MAGI2: variants seen among roughly 807,000 people sequenced by gnomAD.
MAGI2 encodes membrane associated guanylate kinase, WW and PDZ domain containing 2.
Under a neutral mutation model 133.3 loss-of-function variants are expected in MAGI2, and 35 were observed. That is an observed-to-expected ratio of 0.26 (90% CI 0.20 to 0.35). The LOEUF (loss-of-function observed/expected upper bound fraction) is 0.35. Ranked by LOEUF, MAGI2 falls within the 10% of genes least tolerant of loss-of-function variation. MAGI2 has a pLI of 1.00. For synonymous variants in MAGI2, 729 were observed against 710.6 expected (o/e 1.03, Z -0.41); for missense variants, 1,636 against 1,863.4 (o/e 0.88, Z 2.25).
At chr7:78,930,362 C>T (rs1800020545) in intron 2 of MAGI2, among the ~76,000 whole-genome samples, 1 of 152,106 alleles carries the variant, frequency 6.6e-6, no homozygotes, top group Non-Finnish European at 1.5e-5. Context: ...GATGAACTCA[C>T]AACCAGTAAA....
At chr7:78,894,171 G>A (rs1038032523) in intron 2 of MAGI2, among the ~76,000 whole-genome samples, 1 of 152,198 alleles carries the variant, frequency 6.6e-6, no homozygotes, top group Non-Finnish European at 1.5e-5. Context: ...TGAGGCCGAG[G>A]CAGGCGGATC....
chr7:79,420,513 T>C (rs1387625713), intron 1 of MAGI2, among the ~76,000 whole-genome samples: 2 of 151,948 alleles, frequency 1.3e-5, no homozygotes, highest in Non-Finnish European at 2.9e-5. Context: ...TCATCTCTTC[T>C]GTGATCAATG....
At chr7:78,857,013 A>T (rs560179111) in intron 2 of MAGI2, among the ~76,000 whole-genome samples, 2 of 152,292 alleles carry the variant, frequency 1.3e-5, no homozygotes, top group South Asian at 2.1e-4. Flanking sequence ...TCCTTGAAGC[A>T]ATTGTGAATG....
intron 9 of MAGI2, among the ~76,000 whole-genome samples, chr7:78,292,635 A>G (rs1366831572): frequency 6.6e-6 from 1 of 152,230 alleles, no homozygotes; most frequent in Admixed American, 6.5e-5. Flanking sequence ...AGACAATCCT[A>G]AGTCAAAAGA....
chr7:78,758,024 T>C (rs1307211423), intron 2 of MAGI2, among the ~76,000 whole-genome samples: 1 of 152,152 alleles, frequency 6.6e-6, no homozygotes, highest in African/African-American at 2.4e-5. Flanking sequence ...ACCCCACAGA[T>C]AGCTCTCTCA....
intron 2 of MAGI2, among the ~76,000 whole-genome samples, chr7:78,635,208 ATT>A (rs1190807078): frequency 6.6e-6 from 1 of 152,210 alleles, no homozygotes; most frequent in African/African-American, 2.4e-5. Context: ...GCGACTTGTC[ATT>A]TTGCTACCAT....
At chr7:78,594,925 A>C (rs1014660262) in intron 3 of MAGI2, among the ~76,000 whole-genome samples, 1 of 152,168 alleles carries the variant, frequency 6.6e-6, no homozygotes, top group African/African-American at 2.4e-5. Context: ...CAGGACTCAG[A>C]TCTCAGTTAT....
At chr7:78,871,668 A>G (rs1795037233) in intron 2 of MAGI2, among the ~76,000 whole-genome samples, 1 of 152,128 alleles carries the variant, frequency 6.6e-6, no homozygotes, top group Non-Finnish European at 1.5e-5. Context: ...GCTAGAGGAA[A>G]GGATAGGGAT....
At chr7:78,513,658 T>C (rs1055383139) in intron 4 of MAGI2, among the ~76,000 whole-genome samples, 2 of 152,124 alleles carry the variant, frequency 1.3e-5, no homozygotes, top group Admixed American at 1.3e-4. Flanking sequence ...AAACCTGAGG[T>C]GCTACTCTGG....
chr7:78,930,915 G>A (rs776563660), intron 2 of MAGI2, among the ~76,000 whole-genome samples: 9 of 152,054 alleles, frequency 5.9e-5, no homozygotes, highest in Non-Finnish European at 8.8e-5. Flanking sequence ...CAGTAATTTT[G>A]GATGGGCACT....
chr7:78,200,561 G>A (rs149369418), intron 11 of MAGI2, among the ~76,000 whole-genome samples: 37 of 152,134 alleles, frequency 2.4e-4, no homozygotes, highest in Admixed American at 2.0e-3. Flanking sequence ...TTAAATATAC[G>A]TGTGTGTGTA....
intron 1 of MAGI2, among the ~76,000 whole-genome samples, chr7:79,378,716 T>C (rs1438251840): frequency 2.0e-5 from 3 of 151,308 alleles, no homozygotes; most frequent in African/African-American, 7.3e-5. Context: ...GTTAACAAAG[T>C]ATTTCAATAT....
At chr7:78,967,693 G>T (rs917174716) in intron 2 of MAGI2, among the ~76,000 whole-genome samples, 1 of 151,708 alleles carries the variant, frequency 6.6e-6, no homozygotes, top group Non-Finnish European at 1.5e-5. Context: ...AAAATGACTT[G>T]TTAAACAGAC....
intron 1 of MAGI2, among the ~76,000 whole-genome samples, chr7:79,303,741 G>A (rs1837552731): frequency 6.6e-6 from 1 of 152,078 alleles, no homozygotes; most frequent in Non-Finnish European, 1.5e-5. Flanking sequence ...AACTATCACT[G>A]GTTAATATGT....
intron 1 of MAGI2, among the ~76,000 whole-genome samples, chr7:79,281,327 C>T (rs1404751977): frequency 6.6e-6 from 1 of 152,072 alleles, no homozygotes; most frequent in Non-Finnish European, 1.5e-5. Context: ...CCAGTAGCTC[C>T]TGGTGATGCT....
intron 12 of MAGI2, among the ~76,000 whole-genome samples, chr7:78,190,430 T>C (rs1441362674): frequency 6.6e-6 from 1 of 152,220 alleles, no homozygotes; most frequent in Non-Finnish European, 1.5e-5. Context: ...ATGATGATTA[T>C]TCCTTGAATA....
intron 10 of MAGI2, among the ~76,000 whole-genome samples, chr7:78,239,144 T>C (rs1231938305): frequency 6.6e-6 from 1 of 152,178 alleles, no homozygotes; most frequent in Non-Finnish European, 1.5e-5. Flanking sequence ...TGACAAAGTT[T>C]CCAGGAAAAT....
chr7:79,300,341 T>A (rs1837297076), intron 1 of MAGI2, among the ~76,000 whole-genome samples: 1 of 152,124 alleles, frequency 6.6e-6, no homozygotes, highest in African/African-American at 2.4e-5. Context: ...AAATGAGAAA[T>A]CTTATTGGAA....
At chr7:79,129,457 A>G (rs181621492) in intron 1 of MAGI2, among the ~76,000 whole-genome samples, 1 of 152,328 alleles carries the variant, frequency 6.6e-6, no homozygotes, top group Admixed American at 6.5e-5. Flanking sequence ...CACTTTGGTT[A>G]GCAACGTAAT....
Sources: gnomAD v4.1 joint callset for allele counts (sites outside exome capture counted in the v4.1 genomes callset) on GRCh38, gnomAD v4.1.1 for gene constraint, MANE v1.5 for transcripts, NCBI Gene and HGNC (gene_info 2026-07-23, HGNC 2026-07-21) for gene names.